Variants in CALCOCO2 observed in about 807,000 individuals in gnomAD.
CALCOCO2 encodes the protein calcium-binding and coiled-coil domain-containing protein 2.
In CALCOCO2, 42 loss-of-function variants were observed where a neutral mutation model predicts 62.5. The observed-to-expected ratio is 0.67, with a 90% confidence interval of 0.53 to 0.87. The LOEUF is 0.87. CALCOCO2 is among the 40% of genes least tolerant of loss of function. The pLI is 0.00. For missense variants in CALCOCO2, 456 were observed against 515.0 expected, an observed-to-expected ratio of 0.89 and a Z score of 1.11; for synonymous variants, 167 against 173.0, an observed-to-expected ratio of 0.97 and a Z score of 0.27.
rs565097014 is a variant in CALCOCO2 at position 48,856,472 on chromosome 17, T to C, written c.1008+285T>C. 23 of 474,226 alleles carry C rather than the reference T, an allele frequency of 4.9e-5. 1 individual carries two copies. The highest frequency in any genetic ancestry group is 3.6e-4 in the South Asian group (23 of 63,512). 29.4% of individuals were successfully genotyped at this position (474,226 alleles called of 1,614,324 possible). ...TTTGCTTTTAACTTCACAGCTAATA[T>C]ATGTTGCCTTGGGGGATAGGGGAAT... On this transcript the variant is annotated intron_variant, in intron 10 of 12. Coordinates refer to ENST00000258947, the MANE Select transcript of CALCOCO2 (RefSeq NM_005831.5).
chr17:48,841,092 T>G (rs2039969374), intron 1 of CALCOCO2, among the ~76,000 whole-genome samples: 1 of 152,208 alleles, frequency 6.6e-6, no homozygotes, highest in Non-Finnish European at 1.5e-5. Flanking sequence ...GCCAGCAGAT[T>G]ATATAAATTG....
intron 10 of CALCOCO2, among the ~76,000 whole-genome samples, chr17:48,858,053 A>ATAGAATAGAG (rs1567759556): frequency 7.1e-6 from 1 of 141,304 alleles, no homozygotes; most frequent in Non-Finnish European, 1.6e-5. Context: ...AGAAAATAGA[A>ATAGAATAGAG]TAGAATAGAA....
At chr17:48,861,247 C>T (rs912691943) in intron 11 of CALCOCO2, among the ~76,000 whole-genome samples, 3 of 151,974 alleles carry the variant, frequency 2.0e-5, no homozygotes, top group African/African-American at 7.3e-5. Flanking sequence ...GGACTTGGCT[C>T]ACTGCAACCT....
At chr17:48,842,598 A>G (rs2039990101) in intron 2 of CALCOCO2, 1 of 149,498 alleles carries the variant, frequency 6.7e-6, no homozygotes, top group Non-Finnish European at 1.5e-5. Flanking sequence ...CAGCCTTTTC[A>G]GTAGCTGGGA....
At chr17:48,860,527 G>A (rs931746788) in intron 11 of CALCOCO2, 78 bp downstream of exon 11, 22 of 1,330,978 alleles carry the variant, frequency 1.7e-5, no homozygotes, top group Non-Finnish European at 2.2e-5. Context: ...TTTCTGAGGT[G>A]CTAATTAAGA....
chr17:48,842,659 T>C (rs561250289), intron 2 of CALCOCO2: 2 of 151,820 alleles, frequency 1.3e-5, no homozygotes, highest in Non-Finnish European at 2.9e-5. Context: ...TTTTTTTTTT[T>C]CTTTGAGACG....
chr17:48,834,171 C>G (rs2039858255), intron 1 of CALCOCO2, among the ~76,000 whole-genome samples: 1 of 146,186 alleles, frequency 6.8e-6, no homozygotes, highest in South Asian at 2.2e-4. Context: ...TCCTTTTCTT[C>G]AGGAAGACAT....
intron 10 of CALCOCO2, among the ~76,000 whole-genome samples, chr17:48,857,099 G>A (rs1406205260): frequency 6.6e-6 from 1 of 151,726 alleles, no homozygotes; most frequent in East Asian, 1.9e-4. Context: ...ACCACGCCCG[G>A]CCCATTCTCA....
intron 5 of CALCOCO2, among the ~76,000 whole-genome samples, chr17:48,850,330 G>A (rs1348081555): frequency 2.0e-5 from 3 of 148,894 alleles, no homozygotes; most frequent in Non-Finnish European, 4.5e-5. Flanking sequence ...GGTGGCATGC[G>A]CCTGTAATCC....
Position 48,848,463 on chromosome 17 carries a change from A to G in CALCOCO2, c.417+8A>G. On this transcript the variant is annotated splice_region_variant and intron_variant, in intron 4 of 12. Coordinates refer to ENST00000258947, the MANE Select transcript of CALCOCO2 (RefSeq NM_005831.5). ...CTGGTTGTTACCACTCAGGTTTGTA[A>G]AACTTCTCACCTCAATCCCTTACTG... 1 of 1,613,398 alleles carries G rather than the reference A, an allele frequency of 6.2e-7. No individual in the cohort carries two copies. Among genetic ancestry groups the G allele is most frequent in the Non-Finnish European group, 8.5e-7 (1 of 1,179,382 alleles).
chr17:48,849,995 TA>T (rs987991272), intron 5 of CALCOCO2, among the ~76,000 whole-genome samples: 2 of 151,692 alleles, frequency 1.3e-5, no homozygotes, highest in African/African-American at 4.8e-5. Context: ...CCGTCTCTAC[TA>T]AAAATACAAA....
chr17:48,845,538 G>A (rs868865726), intron 2 of CALCOCO2, among the ~76,000 whole-genome samples: 3 of 149,312 alleles, frequency 2.0e-5, no homozygotes, highest in African/African-American at 5.1e-5. Flanking sequence ...AAGACCAGCC[G>A]GACCAACATG....
chr17:48,850,162 G>C (rs2040106970), intron 5 of CALCOCO2, among the ~76,000 whole-genome samples: 1 of 152,148 alleles, frequency 6.6e-6, no homozygotes, highest in Non-Finnish European at 1.5e-5. Context: ...AGCCAAGCAT[G>C]GTGGTAGGCA....
rs960678389 is a variant in CALCOCO2 at position 48,849,267 on chromosome 17, A to T, written c.433A>T (p.Ile145Phe). 9.9e-6 allele frequency: 16 copies of T among 1,613,848 alleles called. No homozygotes were observed. Among genetic ancestry groups the T allele is most frequent in the Non-Finnish European group, 1.4e-5 (16 of 1,179,808 alleles). The change falls in exon 5 of 13, where the codon ATT becomes TTT. Residue 145 changes from isoleucine (I) to phenylalanine (F), a missense_variant. Transcript: ENST00000258947. ...VVTTQGEVEE[I>F]EQHNKELCKE... is the part of the protein sequence containing the mutation. The stretch of plus-strand genomic sequence containing the variant: ...TCTTTTGTAGGGAGAGGTGGAAGAG[A>T]TTGAGCAGCACAACAAGGAGCTTTG...
chr17:48,836,009 C>T (rs1484871294), intron 1 of CALCOCO2, among the ~76,000 whole-genome samples: 1 of 152,154 alleles, frequency 6.6e-6, no homozygotes, highest in Non-Finnish European at 1.5e-5. Flanking sequence ...CCTCAGCCTC[C>T]CAAAGTTCTG....
Position 48,863,123 on chromosome 17 carries a change from C to T in CALCOCO2, c.*118C>T, listed in dbSNP as rs1287153684. ...TGAAATTATTAGGGATTTACTCAGC[C>T]CTGCTGCCGCTAACAGTGGAGTTAT... On this transcript the variant is annotated 3_prime_UTR_variant, in exon 13 of 13. Coordinates refer to ENST00000258947, the MANE Select transcript of CALCOCO2 (RefSeq NM_005831.5). The T allele has an allele frequency of 1.3e-6, 1 of 767,096 alleles. No homozygotes were observed. The highest frequency in any genetic ancestry group is 1.7e-5 in the African/African-American group (1 of 57,720). The allele number at this position is 767,096 out of a possible 1,614,324, so 47.5% of individuals were successfully genotyped here.
chr17:48,859,215 ATTCTC>A (rs2040291199), intron 10 of CALCOCO2, among the ~76,000 whole-genome samples: 1 of 151,990 alleles, frequency 6.6e-6, no homozygotes. Context: ...CTTCTTACTC[ATTCTC>A]TGTGTTGATA....
At chr17:48,836,731 G>A (rs7213258) in intron 1 of CALCOCO2, among the ~76,000 whole-genome samples, 17,046 of 150,448 alleles carry the variant, frequency 0.11, 1,746 homozygotes, top group African/African-American at 0.28. Flanking sequence ...GGAGGCCAGC[G>A]TATGAGGGGC....
At chr17:48,845,052 C>T (rs2040027701) in intron 2 of CALCOCO2, among the ~76,000 whole-genome samples, 1 of 152,014 alleles carries the variant, frequency 6.6e-6, no homozygotes, top group East Asian at 1.9e-4. Context: ...AGGAGAATTG[C>T]TTGAACCCAA....
Sources: allele counts gnomAD v4.1 joint callset (sites outside exome capture counted in the v4.1 genomes callset), GRCh38; gene constraint gnomAD v4.1.1; transcripts MANE v1.5; gene names NCBI Gene and HGNC (gene_info 2026-07-23, HGNC 2026-07-21).